ZDHHC19: variants seen among roughly 807,000 people sequenced by gnomAD.
The protein encoded by ZDHHC19 is palmitoyltransferase ZDHHC19.
A neutral mutation model predicts 33.9 loss-of-function variants in ZDHHC19; 30 were observed. The ratio of observed to expected loss-of-function variants is 0.88; its 90% CI spans 0.66 to 1.20. The LOEUF (loss-of-function observed/expected upper bound fraction) is 1.20. ZDHHC19 is among the 50% of genes most tolerant of loss of function. The pLI is 0.00. For missense variants in ZDHHC19, 364 were observed against 401.1 expected, an observed-to-expected ratio of 0.91 and a Z score of 0.79; for synonymous variants, 178 against 167.6, an observed-to-expected ratio of 1.06 and a Z score of -0.48.
intron 5 of ZDHHC19, among the ~76,000 whole-genome samples, chr3:196,206,385 A>G (rs993394833): frequency 6.7e-6 from 1 of 149,662 alleles, no homozygotes; most frequent in African/African-American, 2.5e-5. Context: ...GTCTTGCTCT[A>G]TTGCCCAGGC....
chr3:196,210,684 G>T lies in ZDHHC19; in HGVS notation c.200C>A (p.Ser67Tyr). Residue 67 changes from serine (S) to tyrosine (Y), a missense_variant, in exon 2 of 8, where the codon TCC becomes TAC. Ser to Tyr is a moderately radical substitution (Grantham distance 144). Transcript: ENST00000296326. ...ACTGAAGAAGGTAAGGACAAAGAGGGAGCCTGTGATAACAGGAAAGGCCCA... is the reference window on the plus strand; with the variant it reads ...ACTGAAGAAGGTAAGGACAAAGAGGTAGCCTGTGATAACAGGAAAGGCCCA... ...GEWAFPVITG[S>Y]LFVLTFFSLV... The T allele has an allele frequency of 1.2e-6, 2 of 1,614,060 alleles. No homozygotes were observed. Among genetic ancestry groups the T allele is most frequent in the South Asian group, 2.2e-5 (2 of 91,072 alleles).
At chr3:196,207,931 TTTTTCTTTTC>T (rs778723700) in intron 4 of ZDHHC19, among the ~76,000 whole-genome samples, 21 of 123,790 alleles carry the variant, frequency 1.7e-4, no homozygotes, top group Admixed American at 1.2e-3. Context: ...GCCAGATTCC[TTTTTCTTTTC>T]TTTTCTTTTC....
At position 196,208,382 on chromosome 3, in the gene ZDHHC19, G is replaced by A. The variant is rs757067493; in HGVS notation, c.581+6C>T. On this transcript the variant is annotated splice_donor_region_variant and intron_variant, in intron 4 of 7. Transcript: ENST00000296326. ...TCCTCTCCTGCTTCCCCACGTGGGC[G>A]GATACGCGATGGCCTTGTCGGTGGA... The A allele has an allele frequency of 1.9e-5, 30 of 1,613,284 alleles. No individual in the cohort carries two copies. The highest frequency in any genetic ancestry group is 2.2e-5 in the Non-Finnish European group (26 of 1,179,780).
rs373702763 is a variant in ZDHHC19, at chr3:196,205,314, G to A, written c.687+2084C>T. The stretch of plus-strand genomic sequence containing the variant: ...CATCCATACAATGCAATACCGTACG[G>A]CAATCAAAAGGAATAAACGACTGCT... On this transcript the variant is annotated intron_variant, in intron 5 of 7. Transcript: ENST00000296326. Among the ~76,000 whole-genome samples the A allele has an allele frequency of 2.6e-5, 4 of 152,034 alleles. No individual in the cohort carries two copies. In the East Asian group the frequency reaches 5.8e-4, roughly 22 times the overall value.
intron 5 of ZDHHC19, among the ~76,000 whole-genome samples, chr3:196,201,067 G>C (rs934002298): frequency 6.6e-6 from 1 of 151,424 alleles, no homozygotes; most frequent in Non-Finnish European, 1.5e-5. Flanking sequence ...TCATAAGACT[G>C]ACCCATACAT....
Position 196,209,503 on chromosome 3 carries a change from T to A in ZDHHC19, c.281A>T (p.Gln94Leu). ...PGILHQGSAE[Q>L]GPLTVHVVWV... is the part of the protein sequence containing the mutation. ...CACCACGTGCACCGTCAAGGGGCCC[T>A]GCTCAGCGGAGCCTGGCGTGGGAAG... Residue 94 changes from glutamine (Q) to leucine (L), a missense_variant, in exon 3 of 8, where the codon CAG becomes CTG. Physicochemically the swap from Gln to Leu is moderately radical, Grantham distance 113. Transcript: ENST00000296326. 1.2e-6 allele frequency: 2 copies of A among 1,612,906 alleles called. No homozygotes were observed. Among genetic ancestry groups the A allele is most frequent in the Non-Finnish European group, 1.7e-6 (2 of 1,179,760 alleles).
chr3:196,206,744 G>A (rs1018315219), intron 5 of ZDHHC19, among the ~76,000 whole-genome samples: 57 of 143,758 alleles, frequency 4.0e-4, no homozygotes, highest in Admixed American at 2.4e-3. Flanking sequence ...TGCATGGTAC[G>A]ATCTGGGCTC....
chr3:196,204,157 A>T (rs1190801893), intron 5 of ZDHHC19, among the ~76,000 whole-genome samples: 1 of 152,216 alleles, frequency 6.6e-6, no homozygotes, highest in East Asian at 1.9e-4. Flanking sequence ...GAATCAACAA[A>T]AAAGCTATTG....
rs1723039936 is a variant in ZDHHC19 at position 196,209,484 on chromosome 3, G to A, written c.300C>T (p.His100=). 1.9e-6 allele frequency: 3 copies of A among 1,612,940 alleles called. No homozygotes were observed. Among genetic ancestry groups the A allele is most frequent in the Non-Finnish European group, 2.5e-6 (3 of 1,179,736 alleles). ...AGGCCCCGTGGTTCACCCACACCAC[G>A]TGCACCGTCAAGGGGCCCTGCTCAG... is the stretch of plus-strand genomic sequence containing the variant. ...GSAEQGPLTV[H]VVWVNHGAFR... Residue 100 remains histidine (H), a synonymous_variant, in exon 3 of 8, where the codon CAC becomes CAT. Coordinates refer to ENST00000296326, the MANE Select transcript of ZDHHC19 (RefSeq NM_001039617.2).
At chr3:196,199,345 C>T in intron 5 of ZDHHC19, 2 of 167,422 alleles carry the variant, frequency 1.2e-5, no homozygotes, top group Middle Eastern at 2.6e-3. Context: ...CTGGGCCTCA[C>T]CTGACTTCAA....
In ZDHHC19 at chr3:196,200,645, C is replaced by T. The variant is rs191881843; in HGVS notation, c.688-1771G>A. Among the ~76,000 whole-genome samples, 202 of 145,826 alleles carry T rather than the reference C, an allele frequency of 1.4e-3. 1 individual carries two copies. The highest frequency in any genetic ancestry group is 2.2e-3 in the Non-Finnish European group (147 of 66,792). On this transcript the variant is annotated intron_variant, in intron 5 of 7. Coordinates refer to ENST00000296326, the MANE Select transcript of ZDHHC19 (RefSeq NM_001039617.2). ...CTGGGATTACAAGCGTGAGCCACCA[C>T]GCCTGGCCTTTTTTTTTTTTTTTTT...
Position 196,207,495 on chromosome 3 carries a change from A to G in ZDHHC19, c.590T>C (p.Val197Ala). The G allele has an allele frequency of 6.4e-7, 1 of 1,559,596 alleles. No individual in the cohort carries two copies. The highest frequency in any genetic ancestry group is 8.7e-7 in the Non-Finnish European group (1 of 1,152,354). ...FSTDKAIAIV[V>A]AVSAAGLLVP... ...CAGGAGGCCCGCGGCGGACACGGCC[A>G]CCACGATGCTGCGCGGGTTAAGGAA... The change falls in exon 5 of 8, where the codon GTG becomes GCG. Residue 197 changes from valine to alanine, a missense_variant. By Grantham distance (64) the Val-to-Ala change is moderately conservative (BLOSUM62 0). Coordinates refer to ENST00000296326, the MANE Select transcript of ZDHHC19 (RefSeq NM_001039617.2).
chr3:196,206,434 C>A (rs1277454258), intron 5 of ZDHHC19, among the ~76,000 whole-genome samples: 1 of 151,648 alleles, frequency 6.6e-6, no homozygotes, highest in Non-Finnish European at 1.5e-5. Flanking sequence ...CTGACTGCAG[C>A]CTCCATCTCC....
In ZDHHC19 at chr3:196,210,601, G is replaced by T; in HGVS notation, c.268+15C>A. The T allele has an allele frequency of 6.2e-7, 1 of 1,613,876 alleles. No homozygotes were observed. Among genetic ancestry groups the T allele is most frequent in the Non-Finnish European group, 8.5e-7 (1 of 1,179,886 alleles). Reference sequence around the variant, plus strand: ...TTGAGTGACACCTCCTTTTCCCAGGGGGCTGATGCCTCACCTTGATGTAAG... The same window carrying T: ...TTGAGTGACACCTCCTTTTCCCAGGTGGCTGATGCCTCACCTTGATGTAAG... On this transcript the variant is annotated intron_variant, in intron 2 of 7. Coordinates refer to ENST00000296326, the MANE Select transcript of ZDHHC19 (RefSeq NM_001039617.2).
intron 1 of ZDHHC19, 144 bp downstream of exon 1, chr3:196,211,026 G>T (rs961365258): frequency 1.4e-6 from 2 of 1,386,130 alleles, no homozygotes; most frequent in African/African-American, 1.4e-5. Flanking sequence ...CTGCACCTTT[G>T]CACGTCGGTT....
At chr3:196,210,477 G>A in intron 2 of ZDHHC19, 139 bp downstream of exon 2, 1 of 951,340 alleles carries the variant, frequency 1.1e-6, no homozygotes, top group Non-Finnish European at 1.5e-6. Context: ...GAGTGAGCGA[G>A]GGCCAGAGCA....
Position 196,208,545 on chromosome 3 carries a change from A to G in ZDHHC19, c.424T>C (p.Cys142Arg). Residue 142 changes from cysteine to arginine, a missense_variant, in exon 4 of 8, where the codon TGC (cysteine) becomes CGC (arginine). By Grantham distance (180) the Cys-to-Arg change is radical (BLOSUM62 -3). Transcript: ENST00000296326. ...NICVEDFDHH[C>R]KWVNNCIGHR... ...CCGATGCAGTTATTGACCCACTTGC[A>G]GTGGTGGTCAAAGTCCTGGGCGACA... is the stretch of plus-strand genomic sequence containing the variant. 6.2e-7 allele frequency: 1 copy of G among 1,614,104 alleles called. No individual in the cohort carries two copies. The highest frequency in any genetic ancestry group is 1.1e-5 in the South Asian group (1 of 91,088).
At chr3:196,201,190 A>G (rs536824890) in intron 5 of ZDHHC19, among the ~76,000 whole-genome samples, 2 of 151,432 alleles carry the variant, frequency 1.3e-5, no homozygotes, top group South Asian at 4.2e-4. Flanking sequence ...CTTCTGCTTC[A>G]GCCTCCCAAG....
rs1260323119 is a variant in ZDHHC19, at chr3:196,210,258, AG to A, written c.268+357del. 8.1e-3 allele frequency among the ~76,000 whole-genome samples: 1,055 copies of A among 129,770 alleles called. 24 individuals are homozygous for A. Among genetic ancestry groups the A allele is most frequent in the African/African-American group, 0.028 (1,002 of 35,572 alleles). 85.1% of individuals were successfully genotyped at this position (129,770 alleles called of 152,430 possible). A position where few individuals can be genotyped will look rare whatever the true frequency, so the allele number is the denominator to read the frequency against. On this transcript the variant is annotated intron_variant, in intron 2 of 7. Coordinates refer to ENST00000296326, the MANE Select transcript of ZDHHC19 (RefSeq NM_001039617.2). ...GAAGGAAAGAAAGAAAGAAAAAGAA[AG>A]AAAGAAAAGAGAAAGAAAGAAAGAA...
Sources: allele counts gnomAD v4.1 joint callset (sites outside exome capture counted in the v4.1 genomes callset), GRCh38; gene constraint gnomAD v4.1.1; transcripts MANE v1.5; gene names NCBI Gene and HGNC (gene_info 2026-07-23, HGNC 2026-07-21).